The following CAPZB variants were observed in gnomAD, a reference collection of about 807,000 sequenced individuals.
CAPZB encodes capping actin protein of muscle Z-line subunit beta.
Under a neutral mutation model 38.1 loss-of-function variants are expected in CAPZB, and 2 were observed. The observed-to-expected ratio is 0.05, with a 90% confidence interval of 0.02 to 0.17. The LOEUF is 0.17. Ranked by LOEUF, CAPZB falls within the 10% of genes least tolerant of loss-of-function variation. CAPZB has a pLI of 1.00. For missense variants in CAPZB, 161 were observed against 334.2 expected (o/e 0.48, Z 4.04); for synonymous variants, 107 against 127.4 (o/e 0.84, Z 1.08).
intron 1 of CAPZB, among the ~76,000 whole-genome samples, chr1:19,424,086 G>A (rs10158705): frequency 0.8 from 122,365 of 152,146 alleles, 49,393 homozygotes; most frequent in African/African-American, 0.86. Context: ...TGCTGGGTTT[G>A]CAGGCGTGAG....
intron 4 of CAPZB, among the ~76,000 whole-genome samples, chr1:19,366,156 G>T (rs1018807400): frequency 6.6e-6 from 1 of 151,374 alleles, no homozygotes; most frequent in Non-Finnish European, 1.5e-5. Context: ...GGACAAATAA[G>T]TGGTCTTAGG....
chr1:19,448,199 G>A (rs1034426900), intron 1 of CAPZB, among the ~76,000 whole-genome samples: 10 of 152,230 alleles, frequency 6.6e-5, no homozygotes, highest in Admixed American at 1.3e-4. Context: ...GTGGTGCGCC[G>A]CTGCGCACAT....
At chr1:19,433,173 T>C (rs2094447836) in intron 1 of CAPZB, among the ~76,000 whole-genome samples, 1 of 152,156 alleles carries the variant, frequency 6.6e-6, no homozygotes, top group Non-Finnish European at 1.5e-5. Flanking sequence ...AAGCGACTAA[T>C]CCCTGCACTT....
intron 2 of CAPZB, among the ~76,000 whole-genome samples, chr1:19,397,193 T>C (rs2094276138): frequency 6.6e-6 from 1 of 152,216 alleles, no homozygotes. Flanking sequence ...GGGCCTGCTG[T>C]AGGTCATAAT....
At chr1:19,438,863 G>C (rs779254710) in intron 1 of CAPZB, among the ~76,000 whole-genome samples, 5 of 152,204 alleles carry the variant, frequency 3.3e-5, no homozygotes, top group Non-Finnish European at 5.9e-5. Context: ...CATTAGGAAC[G>C]GTCGCTCCCT....
In CAPZB at chr1:19,339,968, G is replaced by A. The variant is rs35449578; in HGVS notation, c.732-351C>T. On this transcript the variant is annotated intron_variant, in intron 8 of 8. Coordinates refer to ENST00000264202, the MANE Select transcript of CAPZB (RefSeq NM_004930.5). ...CTATGTCACCCTAAGCCACAAGGTG[G>A]CTTCTGGGCTTCCAAACACAATGGA... 5.5e-3 allele frequency among the ~76,000 whole-genome samples: 843 copies of A among 152,302 alleles called. 5 individuals are homozygous for A. The highest frequency in any genetic ancestry group is 9.2e-3 in the Non-Finnish European group (627 of 68,020).
chr1:19,413,831 GCCCAGT>G (rs1386331007), intron 2 of CAPZB, among the ~76,000 whole-genome samples: 1 of 152,078 alleles, frequency 6.6e-6, no homozygotes, highest in African/African-American at 2.4e-5. Context: ...TGGGTCCCAG[GCCCAGT>G]GCAGCTTCAT....
chr1:19,339,896 G>A (rs1007954089), intron 8 of CAPZB, among the ~76,000 whole-genome samples: 1 of 152,146 alleles, frequency 6.6e-6, no homozygotes, highest in African/African-American at 2.4e-5. Flanking sequence ...CCGGTGACCC[G>A]GCCATAGTCC....
At chr1:19,419,952 G>T in intron 1 of CAPZB, 2 of 526,842 alleles carry the variant, frequency 3.8e-6, no homozygotes, top group Non-Finnish European at 6.7e-6. Context: ...AGCAGTCTCT[G>T]TCTCAAGTGG....
intron 6 of CAPZB, among the ~76,000 whole-genome samples, chr1:19,350,906 G>A (rs61766684): frequency 3.9e-5 from 6 of 152,144 alleles, no homozygotes; most frequent in Admixed American, 6.5e-5. Flanking sequence ...ATGAGCCATC[G>A]CGCCTGGCAA....
chr1:19,454,823 A>G (rs2094527886), intron 1 of CAPZB, among the ~76,000 whole-genome samples: 1 of 152,274 alleles, frequency 6.6e-6, no homozygotes, highest in African/African-American at 2.4e-5. Context: ...TCTGGGTGAC[A>G]CATCAGAAAA....
intron 1 of CAPZB, among the ~76,000 whole-genome samples, chr1:19,463,579 C>A (rs184386627): frequency 1.3e-5 from 2 of 152,196 alleles, no homozygotes; most frequent in Non-Finnish European, 2.9e-5. Flanking sequence ...GCCCTGTGAG[C>A]TGGAACTGCC....
chr1:19,391,366 G>A, intron 2 of CAPZB, among the ~76,000 whole-genome samples: 1 of 152,092 alleles, frequency 6.6e-6, no homozygotes, highest in East Asian at 1.9e-4. Context: ...TTTAAAAAAT[G>A]GCCAAATGAA....
At chr1:19,433,933 C>T (rs2094450179) in intron 1 of CAPZB, among the ~76,000 whole-genome samples, 1 of 152,212 alleles carries the variant, frequency 6.6e-6, no homozygotes, top group Non-Finnish European at 1.5e-5. Flanking sequence ...CAGAGCACAA[C>T]AGAATTCTGC....
At chr1:19,389,181 C>T (rs958107474) in intron 2 of CAPZB, among the ~76,000 whole-genome samples, 1 of 152,158 alleles carries the variant, frequency 6.6e-6, no homozygotes, top group African/African-American at 2.4e-5. Flanking sequence ...GCATTAGTCA[C>T]GACCTGGCAC....
In CAPZB at chr1:19,356,653, T is replaced by G; in HGVS notation, c.570A>C (p.Gly190=). The part of the protein sequence containing the change: ...NKSGSGTMNL[G]GSLTRQMEKD... ...ACTCTACCTGTCTGGTAAGGCTGCCTCCGAGGTTCATGGTGCCAGAGCCAG... is the reference window on the plus strand; with the variant it reads ...ACTCTACCTGTCTGGTAAGGCTGCCGCCGAGGTTCATGGTGCCAGAGCCAG... Residue 190 remains glycine (G), a synonymous_variant, in exon 6 of 9, where the codon GGA becomes GGC. Coordinates refer to ENST00000264202, the MANE Select transcript of CAPZB (RefSeq NM_004930.5). The surrounding 1 kb of genome is among the most constrained non-coding windows in gnomAD (Gnocchi z 4.3). 6.2e-7 allele frequency: 1 copy of G among 1,613,688 alleles called. No individual in the cohort carries two copies. Among genetic ancestry groups the G allele is most frequent in the South Asian group, 1.1e-5 (1 of 91,072 alleles).
At chr1:19,380,385 G>A (rs918521316) in intron 3 of CAPZB, among the ~76,000 whole-genome samples, 17 of 152,224 alleles carry the variant, frequency 1.1e-4, no homozygotes, top group Admixed American at 1.0e-3. Context: ...ACCCCCTGCT[G>A]CCCCATGAGC....
chr1:19,401,525 T>A (rs1253565139), intron 2 of CAPZB, among the ~76,000 whole-genome samples: 5 of 152,166 alleles, frequency 3.3e-5, no homozygotes, highest in African/African-American at 1.2e-4. Flanking sequence ...TTTGCCACCT[T>A]TTCAGCAGCC....
chr1:19,370,987 C>A (rs570109276), intron 4 of CAPZB, among the ~76,000 whole-genome samples: 1 of 152,306 alleles, frequency 6.6e-6, no homozygotes, highest in South Asian at 2.1e-4. Context: ...GGGCCTGACA[C>A]ATTTGCCACT....
Sources: gnomAD v4.1 joint callset for allele counts (sites outside exome capture counted in the v4.1 genomes callset) on GRCh38, gnomAD v4.1.1 for gene constraint, Gnocchi (gnomAD v3.1) non-coding constraint, MANE v1.5 for transcripts, NCBI Gene and HGNC (gene_info 2026-07-23, HGNC 2026-07-21) for gene names.